The following MAP2K5 variants were observed in gnomAD, a reference collection of about 807,000 sequenced individuals.
MAP2K5 encodes the protein dual specificity mitogen-activated protein kinase kinase 5.
In MAP2K5, 49 loss-of-function variants were observed where a neutral mutation model predicts 83.1. That is an observed-to-expected ratio of 0.59 (90% CI 0.47 to 0.75). MAP2K5 has a LOEUF of 0.75. MAP2K5 is among the 30% of genes least tolerant of loss of function. MAP2K5 has a pLI of 0.00. For synonymous variants in MAP2K5, 202 were observed against 191.8 expected (o/e 1.05, Z -0.44); for missense variants, 457 against 557.5 (o/e 0.82, Z 1.82).
At position 67,747,045 on chromosome 15, in the gene MAP2K5, G is replaced by A. The variant is rs2089619426; in HGVS notation, c.1075-1186G>A. Among the ~76,000 whole-genome samples the A allele has an allele frequency of 6.6e-6, 1 of 152,154 alleles. No individual in the cohort carries two copies. Among genetic ancestry groups the A allele is most frequent in the Admixed American group, 6.5e-5 (1 of 15,284 alleles). ...CAAATAACTCTATGATCATAGGCAA[G>A]TGTAATACAGATGCTGGAAGGAAAG... On this transcript the variant is annotated intron_variant, in intron 17 of 21. Coordinates refer to ENST00000178640, the MANE Select transcript of MAP2K5 (RefSeq NM_145160.3). This position sits in a 1 kb window ranked among gnomAD's most constrained non-coding sequence, Gnocchi z 4.1.
chr15:67,586,019 T>C (rs562949915), intron 5 of MAP2K5, 89 bp downstream of exon 5: 2 of 1,183,104 alleles, frequency 1.7e-6, no homozygotes, highest in African/African-American at 1.5e-5. Context: ...AACTGCACTT[T>C]CTCAAGCTCT....
intron 16 of MAP2K5, among the ~76,000 whole-genome samples, chr15:67,705,810 C>T (rs1369291287): frequency 1.3e-5 from 2 of 152,012 alleles, no homozygotes; most frequent in Admixed American, 1.3e-4. Context: ...TACTTGAATG[C>T]TGTGAGAGAA....
intron 1 of MAP2K5, chr15:67,546,478 C>G (rs1419817149): frequency 8.3e-6 from 4 of 484,436 alleles, no homozygotes; most frequent in Non-Finnish European, 1.1e-5. Flanking sequence ...CACTGTGCAT[C>G]AAATAGCTGG....
chr15:67,701,430 T>C (rs1157090482), intron 15 of MAP2K5, among the ~76,000 whole-genome samples: 4 of 152,162 alleles, frequency 2.6e-5, no homozygotes, highest in Admixed American at 2.6e-4. Context: ...AAAAATAGAC[T>C]AGAAAACAGA....
chr15:67,624,563 T>TA (rs981356162), intron 8 of MAP2K5, among the ~76,000 whole-genome samples: 1 of 151,216 alleles, frequency 6.6e-6, no homozygotes, highest in African/African-American at 2.4e-5. Flanking sequence ...AGAATACAGG[T>TA]AAAAAAATTA....
intron 11 of MAP2K5, among the ~76,000 whole-genome samples, chr15:67,647,441 G>A (rs1259274935): frequency 6.6e-6 from 1 of 152,090 alleles, no homozygotes; most frequent in Non-Finnish European, 1.5e-5. Flanking sequence ...CAATTTTTCA[G>A]TTCTACTCAA....
In MAP2K5 at chr15:67,736,553, T is replaced by C. The variant is rs976744308; in HGVS notation, c.1074+8608T>C. Among the ~76,000 whole-genome samples, 1 of 152,228 alleles carries C rather than the reference T, an allele frequency of 6.6e-6. No individual in the cohort carries two copies. Among genetic ancestry groups the C allele is most frequent in the Non-Finnish European group, 1.5e-5 (1 of 68,042 alleles). On this transcript the variant is annotated intron_variant, in intron 17 of 21. Coordinates refer to ENST00000178640, the MANE Select transcript of MAP2K5 (RefSeq NM_145160.3). The surrounding 1 kb of genome is among the most constrained non-coding windows in gnomAD (Gnocchi z 4.3). ...TGTCTCACACCAGGTAGGACTAAAA[T>C]GAATTATTTTTCTGATCCCACAAGA...
At chr15:67,633,161 A>C (rs982119342) in intron 9 of MAP2K5, among the ~76,000 whole-genome samples, 2 of 152,160 alleles carry the variant, frequency 1.3e-5, no homozygotes, top group Non-Finnish European at 2.9e-5. Flanking sequence ...GCTCTGTTGT[A>C]CACCTTGGCA....
intron 8 of MAP2K5, among the ~76,000 whole-genome samples, chr15:67,608,134 T>G (rs1393968097): frequency 6.6e-6 from 1 of 152,194 alleles, no homozygotes; most frequent in African/African-American, 2.4e-5. Flanking sequence ...CACTTCTGTG[T>G]TGTAGGGTGT....
intron 6 of MAP2K5, among the ~76,000 whole-genome samples, chr15:67,591,131 G>A (rs1046258507): frequency 1.3e-5 from 2 of 152,000 alleles, no homozygotes; most frequent in Non-Finnish European, 2.9e-5. Flanking sequence ...CAGATCACGA[G>A]GTCAGGAGTT....
chr15:67,703,188 C>T, intron 15 of MAP2K5, 149 bp from the exon 16 acceptor site: 2 of 593,946 alleles, frequency 3.4e-6, no homozygotes, highest in Non-Finnish European at 6.1e-6. Flanking sequence ...TGCACAAATA[C>T]ATATATACAC....
chr15:67,807,009 G>A lies in MAP2K5; in HGVS notation c.*259G>A, dbSNP rs2090825796. On this transcript the variant is annotated 3_prime_UTR_variant, in exon 22 of 22. Coordinates refer to ENST00000178640, the MANE Select transcript of MAP2K5 (RefSeq NM_145160.3). The surrounding 1 kb of genome is among the most constrained non-coding windows in gnomAD (Gnocchi z 5.1). ...AAAGGGTGGGGCATTGAGAATGGAG[G>A]CTCCCAGGGTCCCTGCCCACTTCTG... The A allele has an allele frequency of 2.1e-6, 3 of 1,430,938 alleles. No homozygotes were observed. In the African/African-American group the frequency reaches 4.3e-5, roughly 20 times the overall value. The allele number at this position is 1,430,938 out of a possible 1,614,324, so 88.6% of individuals were successfully genotyped here. A position where few individuals can be genotyped will look rare whatever the true frequency, so the allele number is the denominator to read the frequency against.
intron 17 of MAP2K5, among the ~76,000 whole-genome samples, chr15:67,730,954 G>A (rs896687948): frequency 6.6e-6 from 1 of 152,170 alleles, no homozygotes; most frequent in African/African-American, 2.4e-5. Flanking sequence ...CTAAAATGAG[G>A]ATTCTAATGC....
rs754762409 is a variant in MAP2K5, at chr15:67,793,491, G to A, written c.1243-13155G>A. The stretch of plus-strand genomic sequence containing the variant: ...TTGTTCCTCCCTTTAACACACCTTC[G>A]TCTTCTCCTTCTATTTGGCTGTTTC... On this transcript the variant is annotated intron_variant, in intron 21 of 21. Coordinates refer to ENST00000178640, the MANE Select transcript of MAP2K5 (RefSeq NM_145160.3). This position sits in a 1 kb window ranked among gnomAD's most constrained non-coding sequence, Gnocchi z 4.6. Among the ~76,000 whole-genome samples the A allele has an allele frequency of 3.3e-5, 5 of 152,130 alleles. No individual in the cohort carries two copies. Among genetic ancestry groups the A allele is most frequent in the Middle Eastern group, 3.4e-3 (1 of 294 alleles).
chr15:67,548,816 A>T (rs1271818108), intron 1 of MAP2K5, among the ~76,000 whole-genome samples: 1 of 152,104 alleles, frequency 6.6e-6, no homozygotes, highest in Admixed American at 6.5e-5. Flanking sequence ...ATTTGTGAGG[A>T]CTAGACTCAG....
At chr15:67,584,882 G>A (rs763777043) in intron 4 of MAP2K5, among the ~76,000 whole-genome samples, 24 of 151,282 alleles carry the variant, frequency 1.6e-4, no homozygotes, top group Non-Finnish European at 2.7e-4. Context: ...ATTTTAGGTA[G>A]AGACAGCGTT....
chr15:67,741,957 C>T (rs111636172), intron 17 of MAP2K5, among the ~76,000 whole-genome samples: 1 of 151,160 alleles, frequency 6.6e-6, no homozygotes, highest in Admixed American at 6.6e-5. Context: ...TGCAGTGGCA[C>T]GATCTCAGCT....
At chr15:67,721,451 C>G (rs558747522) in intron 16 of MAP2K5, among the ~76,000 whole-genome samples, 15 of 152,262 alleles carry the variant, frequency 9.9e-5, no homozygotes, top group Non-Finnish European at 2.1e-4. Context: ...AAAGAAAAAA[C>G]ATTAGTTACA....
In MAP2K5 at chr15:67,757,931, C is replaced by T. The variant is rs2089872569; in HGVS notation, c.1134+9330C>T. Among the ~76,000 whole-genome samples the T allele has an allele frequency of 6.6e-6, 1 of 151,992 alleles. No individual in the cohort carries two copies. Among genetic ancestry groups the T allele is most frequent in the African/African-American group, 2.4e-5 (1 of 41,384 alleles). ...CAGAGGAGAGGAGACTGAAGGATAG[C>T]CAATAAGAGTTAGCCTTGGAGAGAT... On this transcript the variant is annotated intron_variant, in intron 19 of 21. Coordinates refer to ENST00000178640, the MANE Select transcript of MAP2K5 (RefSeq NM_145160.3). This position sits in a 1 kb window ranked among gnomAD's most constrained non-coding sequence, Gnocchi z 4.9.
Sources: allele counts gnomAD v4.1 joint callset (sites outside exome capture counted in the v4.1 genomes callset), GRCh38; gene constraint gnomAD v4.1.1; non-coding constraint Gnocchi (gnomAD v3.1); transcripts MANE v1.5; gene names NCBI Gene and HGNC (gene_info 2026-07-23, HGNC 2026-07-21).